The following DPP10 variants were observed in gnomAD, a reference collection of about 807,000 sequenced individuals.
DPP10 encodes dipeptidyl peptidase like 10, also known as inactive dipeptidyl peptidase 10.
DPP10 carries 33 observed loss-of-function variants against 120.9 expected under a neutral mutation model. The observed-to-expected ratio is 0.27, with a 90% CI of 0.21 to 0.37. The LOEUF is 0.37. DPP10 is among the 10% of genes least tolerant of loss of function. The pLI is 1.00. For synonymous variants in DPP10, 337 were observed against 326.1 expected, an observed-to-expected ratio of 1.03 and a Z score of -0.36; for missense variants, 816 against 942.8, an observed-to-expected ratio of 0.87 and a Z score of 1.76.
chr2:114,617,175 G>A (rs1234591077), intron 1 of DPP10, among the ~76,000 whole-genome samples: 1 of 151,976 alleles, frequency 6.6e-6, no homozygotes, highest in African/African-American at 2.4e-5. Flanking sequence ...TTCTAGAGTG[G>A]ATCCCAGTTT....
Position 115,842,278 on chromosome 2 carries a change from A to G in DPP10, c.2324A>G (p.Lys775Arg), listed in dbSNP as rs911337654. Residue 775 changes from lysine (K) to arginine (R), a missense_variant, in exon 26 of 26, where the codon AAA becomes AGA. By Grantham distance (26) the Lys-to-Arg change is conservative. This residue lies in a region of DPP10 where 592 missense variants were observed against 649.0 expected (regional missense o/e 0.91). Transcript: ENST00000410059. The part of the protein sequence containing the change: ...SKYHLYSTIL[K>R]FFSDCLKEEI... ...TATCATCTCTACAGCACAATCCTCAAATTCTTCAGTGATTGTTTGAAGGAA... is the reference window on the plus strand; with the variant it reads ...TATCATCTCTACAGCACAATCCTCAGATTCTTCAGTGATTGTTTGAAGGAA... The G allele has an allele frequency of 6.2e-6, 10 of 1,613,882 alleles. No individual in the cohort carries two copies. Among genetic ancestry groups the G allele is most frequent in the Non-Finnish European group, 8.5e-6 (10 of 1,179,934 alleles).
At chr2:115,098,019 C>T (rs983272135) in intron 1 of DPP10, among the ~76,000 whole-genome samples, 4 of 152,294 alleles carry the variant, frequency 2.6e-5, no homozygotes, top group Admixed American at 2.6e-4. Flanking sequence ...AAGGCCACAG[C>T]AGATTCATCT....
chr2:114,499,507 A>C (rs1240246977), intron 1 of DPP10, among the ~76,000 whole-genome samples: 1 of 151,208 alleles, frequency 6.6e-6, no homozygotes, highest in Non-Finnish European at 1.5e-5. Context: ...CTTTTCCTTC[A>C]CTTCTGCTGT....
At chr2:115,067,602 G>A (rs1359986592) in intron 1 of DPP10, among the ~76,000 whole-genome samples, 25 of 142,730 alleles carry the variant, frequency 1.8e-4, no homozygotes, top group Admixed American at 1.5e-3. Flanking sequence ...GGTGGCTCAC[G>A]CCTTTGATCC....
intron 1 of DPP10, among the ~76,000 whole-genome samples, chr2:115,128,186 C>T (rs541293217): frequency 2.0e-4 from 30 of 152,118 alleles, no homozygotes; most frequent in African/African-American, 6.8e-4. Context: ...ACCCTCCTCT[C>T]CAGACATATT....
intron 1 of DPP10, among the ~76,000 whole-genome samples, chr2:114,716,181 A>T (rs986468978): frequency 3.3e-5 from 5 of 152,170 alleles, no homozygotes; most frequent in African/African-American, 9.6e-5. Flanking sequence ...AAGAAAATTT[A>T]AAAGGAAAAA....
At chr2:114,985,731 A>T (rs1420540606) in intron 1 of DPP10, among the ~76,000 whole-genome samples, 1 of 152,198 alleles carries the variant, frequency 6.6e-6, no homozygotes, top group East Asian at 1.9e-4. Flanking sequence ...AGCACAAATA[A>T]AATGATGAAA....
intron 3 of DPP10, among the ~76,000 whole-genome samples, chr2:115,413,318 C>T (rs1717042): frequency 0.12 from 17,931 of 152,080 alleles, 1,340 homozygotes; most frequent in African/African-American, 0.2. Context: ...ATGTGGAAAA[C>T]ATGCAAATAG....
chr2:114,666,805 C>T (rs889522386), intron 1 of DPP10, among the ~76,000 whole-genome samples: 4 of 152,084 alleles, frequency 2.6e-5, no homozygotes, highest in African/African-American at 9.7e-5. Context: ...GACCTGGTCT[C>T]ATCGTAGAAA....
At chr2:115,539,485 A>T (rs977499580) in intron 5 of DPP10, among the ~76,000 whole-genome samples, 5 of 152,074 alleles carry the variant, frequency 3.3e-5, no homozygotes, top group Non-Finnish European at 7.4e-5. Context: ...TGTCCATCAC[A>T]GGCATTGTGC....
intron 2 of DPP10, among the ~76,000 whole-genome samples, chr2:115,333,775 G>A (rs1343175988): frequency 6.6e-6 from 1 of 152,028 alleles, no homozygotes; most frequent in Non-Finnish European, 1.5e-5. Flanking sequence ...GGCTTATAGG[G>A]TTTCTGCCGA....
intron 1 of DPP10, among the ~76,000 whole-genome samples, chr2:115,157,970 G>A (rs1219391712): frequency 6.6e-6 from 1 of 152,194 alleles, no homozygotes; most frequent in Non-Finnish European, 1.5e-5. Context: ...GCAACTAGCT[G>A]CTTGTGGAGT....
chr2:114,796,776 C>A (rs953045812), intron 1 of DPP10, among the ~76,000 whole-genome samples: 1 of 152,174 alleles, frequency 6.6e-6, no homozygotes, highest in African/African-American at 2.4e-5. Flanking sequence ...GTGATAGATT[C>A]TCTTGTGACT....
intron 1 of DPP10, among the ~76,000 whole-genome samples, chr2:114,451,104 T>TC (rs938269131): frequency 3.1e-3 from 472 of 151,878 alleles, no homozygotes; most frequent in Non-Finnish European, 4.7e-3. Flanking sequence ...ATTTTTTTTT[T>TC]TGATTCAGTG....
intron 21 of DPP10, among the ~76,000 whole-genome samples, chr2:115,821,638 A>G (rs983559799): frequency 7.2e-5 from 11 of 151,770 alleles, no homozygotes; most frequent in African/African-American, 2.4e-4. Flanking sequence ...CTGTCCTATT[A>G]TATTTCTTGT....
chr2:115,543,784 C>T lies in DPP10; in HGVS notation c.441+17812C>T, dbSNP rs557853717. 9.2e-5 allele frequency among the ~76,000 whole-genome samples: 14 copies of T among 152,064 alleles called. 1 individual carries two copies. Among genetic ancestry groups the T allele is most frequent in the East Asian group, 5.8e-4 (3 of 5,158 alleles). On this transcript the variant is annotated intron_variant, in intron 5 of 25. Coordinates refer to ENST00000410059, the MANE Select transcript of DPP10 (RefSeq NM_020868.6). ...ATGTCGCTGTTGCTGTAAATAAATT[C>T]AGACACAGTCAATGAGCGTTAACAT...
chr2:115,379,998 G>A (rs975662795), intron 3 of DPP10, among the ~76,000 whole-genome samples: 1 of 152,150 alleles, frequency 6.6e-6, no homozygotes, highest in South Asian at 2.1e-4. Context: ...TGGAATCGGT[G>A]TGGTGTGGTG....
intron 5 of DPP10, among the ~76,000 whole-genome samples, chr2:115,534,048 T>G (rs2148930164): frequency 6.6e-6 from 1 of 152,202 alleles, no homozygotes; most frequent in South Asian, 2.1e-4. Flanking sequence ...TGAAAGTTAC[T>G]AATGTATTTA....
At chr2:114,677,612 G>T (rs1210870850) in intron 1 of DPP10, among the ~76,000 whole-genome samples, 2 of 152,044 alleles carry the variant, frequency 1.3e-5, no homozygotes, top group Non-Finnish European at 2.9e-5. Flanking sequence ...GACAAGCAGG[G>T]ATTAAAGAAA....
Sources: allele counts gnomAD v4.1 joint callset (sites outside exome capture counted in the v4.1 genomes callset), GRCh38; gene constraint gnomAD v4.1.1; regional missense constraint gnomAD v4.1.1; transcripts MANE v1.5; gene names NCBI Gene and HGNC (gene_info 2026-07-23, HGNC 2026-07-21).